The following RBMX2 variants were observed in gnomAD, a reference collection of about 807,000 sequenced individuals.
RBMX2 encodes the protein RNA-binding motif protein, X-linked 2.
For missense variants in RBMX2, 191 were observed against 256.0 expected (o/e 0.75, Z 1.73); for synonymous variants, 77 against 94.3 (o/e 0.82, Z 1.07).
intron 3 of RBMX2, among the ~76,000 whole-genome samples, chrX:130,405,110 G>A (rs188133198): frequency 6.2e-5 from 7 of 112,180 alleles, no homozygotes; most frequent in African/African-American, 2.3e-4. Context: ...TGGGTGCGGT[G>A]GCTCACGCTT....
intron 3 of RBMX2, chrX:130,404,504 C>G (rs1179692390): frequency 8.9e-6 from 1 of 112,963 alleles, no homozygotes; most frequent in African/African-American, 3.2e-5. Flanking sequence ...CAGAGCTAAA[C>G]AGCACAGTTA....
chrX:130,404,602 A>G (rs1166197449), intron 3 of RBMX2, among the ~76,000 whole-genome samples: 2 of 112,594 alleles, frequency 1.8e-5, no homozygotes, highest in Non-Finnish European at 3.8e-5. Flanking sequence ...ACTGTTTCAG[A>G]GAAGTTGGAC....
At chrX:130,408,637 T>C (rs1217438102) in intron 3 of RBMX2, among the ~76,000 whole-genome samples, 1 of 111,792 alleles carries the variant, frequency 8.9e-6, no homozygotes, top group East Asian at 2.8e-4. Flanking sequence ...TTCTGTTTTT[T>C]GTAGTATAAT....
At chrX:130,402,480 A>G (rs1603270959) in intron 2 of RBMX2, 110 bp downstream of exon 2, 1 of 1,088,939 alleles carries the variant, frequency 9.2e-7, no homozygotes, top group East Asian at 3.4e-5. Context: ...GCCCACCTTC[A>G]TATCCATCTG....
Position 130,413,010 on chromosome X carries a change from G to C in RBMX2, c.*162G>C. ...GGGAGGGCTGCAGTTTCAACAGCTA[G>C]ATATCCTGGATATTGTTTGCACCAT... is the stretch of plus-strand genomic sequence containing the variant. On this transcript the variant is annotated 3_prime_UTR_variant, in exon 6 of 6. Transcript: ENST00000305536. 1 of 482,563 alleles carries C rather than the reference G, an allele frequency of 2.1e-6. No individual in the cohort carries two copies. Among genetic ancestry groups the C allele is most frequent in the African/African-American group, 2.4e-5 (1 of 41,750 alleles). The allele number at this position is 482,563 out of a possible 1,213,427, so 39.8% of individuals were successfully genotyped here.
At chrX:130,408,352 C>G (rs1265988697) in intron 3 of RBMX2, among the ~76,000 whole-genome samples, 1 of 112,311 alleles carries the variant, frequency 8.9e-6, no homozygotes, top group Non-Finnish European at 1.9e-5. Flanking sequence ...GGTTTGCTTT[C>G]TTCCTTTATG....
At position 130,409,368 on chromosome X, in the gene RBMX2, C is replaced by A. The variant is rs975078995; in HGVS notation, c.285C>A (p.Asp95Glu). The change falls in exon 4 of 6, where the codon GAC becomes GAA. Residue 95 changes from aspartate to glutamate, a missense_variant. Asp to Glu is a conservative substitution (Grantham distance 45). Coordinates refer to ENST00000305536, the MANE Select transcript of RBMX2 (RefSeq NM_016024.4). The stretch of plus-strand genomic sequence containing the variant: ...AGAGGAGCACAATTCTGGCCGTCGA[C>A]AATTTTAATGGGATCAAGGTGAGTG... ...EDQRSTILAVDNFNGIKIKGR... is the reference protein window; with the variant it reads ...EDQRSTILAVENFNGIKIKGR... The A allele has an allele frequency of 8.3e-7, 1 of 1,207,624 alleles. No individual in the cohort carries two copies. Among genetic ancestry groups the A allele is most frequent in the African/African-American group, 1.8e-5 (1 of 56,954 alleles).
At chrX:130,408,004 T>C (rs946833571) in intron 3 of RBMX2, among the ~76,000 whole-genome samples, 6 of 111,271 alleles carry the variant, frequency 5.4e-5, no homozygotes, top group African/African-American at 2.0e-4. Context: ...TATCTTCCTT[T>C]TTGTTTGTTT....
chrX:130,406,214 A>T (rs2034485104), intron 3 of RBMX2, among the ~76,000 whole-genome samples: 1 of 110,398 alleles, frequency 9.1e-6, no homozygotes, highest in Admixed American at 9.7e-5. Flanking sequence ...TTTGCAGCCC[A>T]TTATTTTTCT....
At chrX:130,402,411 T>G (rs2034460981) in intron 2 of RBMX2, 41 bp downstream of exon 2, 1 of 1,183,695 alleles carries the variant, frequency 8.4e-7, no homozygotes. Context: ...CTCCAGATTC[T>G]CCTGCTCGGT....
Position 130,402,006 on chromosome X carries a change from C to T in RBMX2, c.-27C>T, listed in dbSNP as rs1424436963. ...CGCTGCCTTTCCCGGGCGCTGATTC[C>T]TGAGTGCTGAGCGCGAACCCGAGGA... On this transcript the variant is annotated 5_prime_UTR_variant, in exon 1 of 6. Transcript: ENST00000305536. 2.5e-6 allele frequency: 3 copies of T among 1,191,153 alleles called. No homozygotes were observed. Among genetic ancestry groups the T allele is most frequent in the South Asian group, 1.8e-5 (1 of 54,184 alleles).
At chrX:130,403,986 C>T (rs2034470558) in intron 3 of RBMX2, 133 bp downstream of exon 3, 10 of 621,050 alleles carry the variant, frequency 1.6e-5, no homozygotes, top group Admixed American at 7.1e-5. Flanking sequence ...AGGGCTGGAG[C>T]TTCTGTTCTA....
At chrX:130,402,108 T>C in intron 1 of RBMX2, 71 bp downstream of exon 1, 1 of 1,175,275 alleles carries the variant, frequency 8.5e-7, no homozygotes, top group East Asian at 3.1e-5. Flanking sequence ...ACTGGTGTGG[T>C]AGAGCGTCTG....
chrX:130,410,762 T>G (rs1289093893), intron 4 of RBMX2, among the ~76,000 whole-genome samples: 1 of 112,356 alleles, frequency 8.9e-6, no homozygotes, highest in East Asian at 2.8e-4. Flanking sequence ...GAGCTGATTG[T>G]TCCAGTATGG....
At chrX:130,411,221 A>T in intron 4 of RBMX2, 127 bp from the exon 5 acceptor site, 1 of 647,206 alleles carries the variant, frequency 1.5e-6, no homozygotes, top group Non-Finnish European at 2.3e-6. Context: ...GGTCTGCTTT[A>T]GTGACAGAAT....
At chrX:130,412,187 A>C (rs1395323255) in intron 5 of RBMX2, among the ~76,000 whole-genome samples, 174 bp from the exon 6 acceptor site, 1 of 108,195 alleles carries the variant, frequency 9.2e-6, no homozygotes, top group Non-Finnish European at 1.9e-5. Flanking sequence ...TGGCCTCCCA[A>C]AGTGCTGGGA....
chrX:130,409,161 G>C, intron 3 of RBMX2, 96 bp from the exon 4 acceptor site: 1 of 777,795 alleles, frequency 1.3e-6, no homozygotes, highest in Non-Finnish European at 1.8e-6. Context: ...TGCATCTCTT[G>C]TATACACTAT....
chrX:130,407,623 T>G (rs1194091824), intron 3 of RBMX2, among the ~76,000 whole-genome samples: 1 of 110,846 alleles, frequency 9.0e-6, no homozygotes, highest in Non-Finnish European at 1.9e-5. Flanking sequence ...GGAATTTATC[T>G]TTTTGTAAGG....
At chrX:130,404,674 A>G (rs1246613893) in intron 3 of RBMX2, among the ~76,000 whole-genome samples, 2 of 113,057 alleles carry the variant, frequency 1.8e-5, no homozygotes, top group Non-Finnish European at 1.9e-5. Context: ...GGTAGCATAC[A>G]CTGGCAGAGG....
Sources: allele counts gnomAD v4.1 joint callset (sites outside exome capture counted in the v4.1 genomes callset), GRCh38; gene constraint gnomAD v4.1.1; transcripts MANE v1.5; gene names NCBI Gene and HGNC (gene_info 2026-07-23, HGNC 2026-07-21).